IGSF10: variants seen among roughly 807,000 people sequenced by gnomAD.
IGSF10 encodes immunoglobulin superfamily member 10, also known as calvaria mechanical force protein 608.
IGSF10 carries 126 observed loss-of-function variants against 128.2 expected under a neutral mutation model. That is an observed-to-expected ratio of 0.98 (90% CI 0.85 to 1.14). The LOEUF is 1.14. Ranked by LOEUF, IGSF10 falls within the 50% of genes most tolerant of loss-of-function variation. IGSF10 has a pLI of 0.00. For missense variants in IGSF10, 3,295 were observed against 3,149.8 expected, an observed-to-expected ratio of 1.05 and a Z score of -1.10; for synonymous variants, 1,185 against 1,146.2, an observed-to-expected ratio of 1.03 and a Z score of -0.68.
the IGSF10 span, among the ~76,000 whole-genome samples, chr3:151,521,217 TAAAG>T: frequency 2.6e-5 from 4 of 151,970 alleles, no homozygotes; most frequent in Admixed American, 6.6e-5. Context: ...CCCAGATTCA[TAAAG>T]AAAGTTCTTA....
chr3:151,531,155 T>A, the IGSF10 span, among the ~76,000 whole-genome samples: 6 of 152,156 alleles, frequency 3.9e-5, no homozygotes, highest in African/African-American at 1.4e-4. Context: ...TAAATATATA[T>A]GCATCAAATA....
chr3:151,603,498 C>A, the IGSF10 span, among the ~76,000 whole-genome samples: 1 of 152,184 alleles, frequency 6.6e-6, no homozygotes, highest in African/African-American at 2.4e-5. Flanking sequence ...GCTCTTCTTT[C>A]TTTCTAGAAC....
the IGSF10 span, among the ~76,000 whole-genome samples, chr3:151,558,319 G>T: frequency 6.6e-6 from 1 of 151,662 alleles, no homozygotes; most frequent in African/African-American, 2.4e-5. Flanking sequence ...CAAGTTCTTC[G>T]GGTTAATTCT....
the IGSF10 span, among the ~76,000 whole-genome samples, chr3:151,589,074 C>T: frequency 9.6e-3 from 1,465 of 152,132 alleles, 17 homozygotes; most frequent in African/African-American, 0.033. Flanking sequence ...AAATAAATGA[C>T]ATATAAATTA....
At chr3:151,526,148 A>G in the IGSF10 span, among the ~76,000 whole-genome samples, 10 of 152,208 alleles carry the variant, frequency 6.6e-5, no homozygotes, top group African/African-American at 2.4e-4. Flanking sequence ...CTGAAAGGGA[A>G]AAGTTTGAGC....
At chr3:151,608,365 C>T in the IGSF10 span, among the ~76,000 whole-genome samples, 1 of 152,158 alleles carries the variant, frequency 6.6e-6, no homozygotes, top group Non-Finnish European at 1.5e-5. Flanking sequence ...TTGCATGGAA[C>T]TGAGTTTGCA....
At chr3:151,550,648 A>G in the IGSF10 span, among the ~76,000 whole-genome samples, 1 of 152,168 alleles carries the variant, frequency 6.6e-6, no homozygotes, top group East Asian at 1.9e-4. Flanking sequence ...CTGATTTTTA[A>G]AAAAGAAGTT....
the IGSF10 span, among the ~76,000 whole-genome samples, chr3:151,473,874 C>T: frequency 1.3e-5 from 2 of 152,008 alleles, no homozygotes; most frequent in African/African-American, 4.8e-5. Flanking sequence ...CATGATAGCC[C>T]TTATAATTGG....
the IGSF10 span, among the ~76,000 whole-genome samples, chr3:151,468,331 T>C: frequency 6.6e-6 from 1 of 152,166 alleles, no homozygotes; most frequent in African/African-American, 2.4e-5. Context: ...ACCTTTCTCA[T>C]TCTCATTTTA....
At position 151,448,336 on chromosome 3, in the gene IGSF10, A is replaced by C; in HGVS notation, c.1645T>G (p.Tyr549Asp). ...TCATAATTGCTGCTTATACAGTGAT[A>C]TACGCCTGTGTCAAAACTATCAGCC... is the stretch of plus-strand genomic sequence containing the variant. ...QMADSFDTGV[Y>D]HCISSNYDDA... The change falls in exon 6 of 8, where the codon TAT (tyrosine) becomes GAT (aspartate). Residue 549 changes from tyrosine to aspartate, a missense_variant. Transcript: ENST00000282466. 7 of 1,614,208 alleles carry C rather than the reference A, an allele frequency of 4.3e-6. No individual in the cohort carries two copies. The highest frequency in any genetic ancestry group is 5.9e-6 in the Non-Finnish European group (7 of 1,180,012).
chr3:151,475,977 A>G, the IGSF10 span: 1 of 152,766 alleles, frequency 6.5e-6, no homozygotes, highest in Non-Finnish European at 1.5e-5. Context: ...GAAGGGTGCC[A>G]TCAGACATCA....
At chr3:151,616,665 A>G in the IGSF10 span, among the ~76,000 whole-genome samples, 92 of 152,324 alleles carry the variant, frequency 6.0e-4, no homozygotes, top group African/African-American at 2.2e-3. Context: ...CATTATTGAC[A>G]AGCTGAGTAA....
the IGSF10 span, among the ~76,000 whole-genome samples, chr3:151,531,555 G>T: frequency 6.6e-6 from 1 of 152,144 alleles, no homozygotes; most frequent in Non-Finnish European, 1.5e-5. Context: ...CAACTACATG[G>T]GAACTGAACA....
Position 151,457,137 on chromosome 3 carries a change from T to C in IGSF10, c.213A>G (p.Arg71=). 2.5e-6 allele frequency: 4 copies of C among 1,614,140 alleles called. No homozygotes were observed. Among genetic ancestry groups the C allele is most frequent in the Non-Finnish European group, 3.4e-6 (4 of 1,180,002 alleles). ...RINLGYNSLV[R]LMETDFSGLT... Reference sequence around the variant, plus strand: ...GGCCAGAAAAATCTGTTTCCATCAATCTAACCAAGCTGTTGTATCTGAAAT... The same window carrying C: ...GGCCAGAAAAATCTGTTTCCATCAACCTAACCAAGCTGTTGTATCTGAAAT... Residue 71 remains arginine, a synonymous_variant, in exon 4 of 8, where the codon AGA becomes AGG. Coordinates refer to ENST00000282466, the MANE Select transcript of IGSF10 (RefSeq NM_178822.5).
the IGSF10 span, among the ~76,000 whole-genome samples, chr3:151,484,007 A>G: frequency 1.3e-5 from 2 of 152,216 alleles, no homozygotes; most frequent in Non-Finnish European, 2.9e-5. Context: ...GGTCTGGCTC[A>G]GCGGGTCCCA....
rs374980131 is a variant in IGSF10, at chr3:151,445,185, C to A, written c.4796G>T (p.Gly1599Val). ...AACAAGAGTGGTGGCCTCGGACAGG[C>A]CTGTAGTAGCCAACATGCTTACTTC... ...KPEVSMLATT[G>V]LSEATTLVSD... The change falls in exon 6 of 8, where the codon GGC becomes GTC. Residue 1599 changes from glycine (G) to valine (V), a missense_variant. Transcript: ENST00000282466. 45 of 1,614,114 alleles carry A rather than the reference C, an allele frequency of 2.8e-5. No individual in the cohort carries two copies. Among genetic ancestry groups the A allele is most frequent in the Non-Finnish European group, 3.7e-5 (44 of 1,180,050 alleles).
the IGSF10 span, among the ~76,000 whole-genome samples, chr3:151,495,102 G>C: frequency 6.6e-6 from 1 of 152,072 alleles, no homozygotes; most frequent in Non-Finnish European, 1.5e-5. Context: ...GTTGGAAAAT[G>C]GAAATGACAT....
Position 151,437,482 on chromosome 3 carries a change from G to A in IGSF10, c.7079C>T (p.Ser2360Phe), listed in dbSNP as rs200006847. The change falls in exon 8 of 8, where the codon TCT becomes TTT. Residue 2360 changes from serine (S) to phenylalanine (F), a missense_variant. Physicochemically the swap from Ser to Phe is radical, Grantham distance 155. Transcript: ENST00000282466. ...QLGKSTALNC[S>F]VDGNPPPEII... Reference sequence around the variant, plus strand: ...TTCAGGTGGTGGGTTACCATCAACAGAGCAATTCAATGCTGTGGACTTTCC... The same window carrying A: ...TTCAGGTGGTGGGTTACCATCAACAAAGCAATTCAATGCTGTGGACTTTCC... 3.1e-6 allele frequency: 5 copies of A among 1,614,054 alleles called. No homozygotes were observed. In the Admixed American group the frequency reaches 5.0e-5, roughly 16 times the overall value.
chr3:151,601,537 T>C, the IGSF10 span, among the ~76,000 whole-genome samples: 4 of 152,212 alleles, frequency 2.6e-5, no homozygotes, highest in Admixed American at 1.3e-4. Context: ...TCAAAGAACA[T>C]GTTTTAAATG....
Sources: gnomAD v4.1 joint callset for allele counts (sites outside exome capture counted in the v4.1 genomes callset) on GRCh38, gnomAD v4.1.1 for gene constraint, MANE v1.5 for transcripts, NCBI Gene and HGNC (gene_info 2026-07-23, HGNC 2026-07-21) for gene names.